The following PANK1 variants were observed in gnomAD, a reference collection of about 807,000 sequenced individuals.
PANK1 encodes the protein pantothenic acid kinase 1.
In PANK1, 18 loss-of-function variants were observed where a neutral mutation model predicts 40.1. That is an observed-to-expected ratio of 0.45 (90% CI 0.31 to 0.67). The LOEUF (loss-of-function observed/expected upper bound fraction) is 0.67. Among genes scored for constraint, PANK1 ranks in the 30% least tolerant of loss-of-function variants. The pLI is 0.06. For synonymous variants in PANK1, 242 were observed against 237.7 expected (o/e 1.02, Z -0.17); for missense variants, 457 against 599.6 (o/e 0.76, Z 2.48).
At chr10:89,605,245 T>C (rs1186419755) in intron 2 of PANK1, among the ~76,000 whole-genome samples, 1 of 151,912 alleles carries the variant, frequency 6.6e-6, no homozygotes, top group Non-Finnish European at 1.5e-5. Flanking sequence ...GAAAAGTTCT[T>C]AAAATAAACA....
intron 1 of PANK1, among the ~76,000 whole-genome samples, chr10:89,641,110 C>A (rs544440673): frequency 6.6e-6 from 1 of 152,208 alleles, no homozygotes; most frequent in East Asian, 1.9e-4. Flanking sequence ...TCCTGCTTTC[C>A]CTTTTAGTCT....
In PANK1 at chr10:89,599,457, G is replaced by C; in HGVS notation, c.694C>G (p.Gln232Glu). 6.2e-7 allele frequency: 1 copy of C among 1,613,698 alleles called. No homozygotes were observed. Among genetic ancestry groups the C allele is most frequent in the Non-Finnish European group, 8.5e-7 (1 of 1,179,596 alleles). Residue 232 changes from glutamine (Q) to glutamate (E), a missense_variant, in exon 3 of 7, where the codon CAG (glutamine) becomes GAG (glutamate). By Grantham distance (29) the Gln-to-Glu change is conservative (BLOSUM62 2). Around this residue, in one of 4 missense-constraint regions of PANK1, gnomAD observed 286 missense variants for 415.8 expected, o/e 0.69. Coordinates refer to ENST00000307534, the MANE Select transcript of PANK1 (RefSeq NM_148977.3). ...ACAGAGTCGACATAAAGCAGGCCCT[G>C]AATCAGACAGTCCAGTTCATCCAGT... ...HKLDELDCLIQGLLYVDSVGF... is the reference protein window; with the variant it reads ...HKLDELDCLIEGLLYVDSVGF...
At chr10:89,618,852 C>T (rs1845396375) in intron 1 of PANK1, among the ~76,000 whole-genome samples, 2 of 152,172 alleles carry the variant, frequency 1.3e-5, no homozygotes, top group African/African-American at 4.8e-5. Context: ...AAAGATGAAT[C>T]AGAATGGAGC....
Position 89,584,291 on chromosome 10 carries a change from C to A in PANK1, c.*115G>T. The A allele has an allele frequency of 1.5e-6, 1 of 673,388 alleles. No homozygotes were observed. The highest frequency in any genetic ancestry group is 2.7e-6 in the Non-Finnish European group (1 of 365,510). 41.7% of individuals were successfully genotyped at this position (673,388 alleles called of 1,614,324 possible). A position where few individuals can be genotyped will look rare whatever the true frequency, so the allele number is the denominator to read the frequency against. On this transcript the variant is annotated 3_prime_UTR_variant, in exon 7 of 7. Coordinates refer to ENST00000307534, the MANE Select transcript of PANK1 (RefSeq NM_148977.3). ...GATTTTAAATTATTTACAAATCCAG[C>A]AGGTTCATCTGCCATAATGGCTTGG...
Position 89,611,791 on chromosome 10 carries a change from T to C in PANK1, c.550A>G (p.Ile184Val). ...RFPSCAMHRF[I>V]QMGSEKNFSS... Reference sequence around the variant, plus strand: ...AAGTTCTTCTCGCTGCCCATCTGAATGAACCTGTGCATAGCACAGCTGGGA... The same window carrying C: ...AAGTTCTTCTCGCTGCCCATCTGAACGAACCTGTGCATAGCACAGCTGGGA... Residue 184 changes from isoleucine to valine, a missense_variant, in exon 2 of 7, where the codon ATT becomes GTT. By Grantham distance (29) the Ile-to-Val change is conservative. Transcript: ENST00000307534. 1 of 1,614,206 alleles carries C rather than the reference T, an allele frequency of 6.2e-7. No homozygotes were observed. The highest frequency in any genetic ancestry group is 8.5e-7 in the Non-Finnish European group (1 of 1,180,018).
intron 2 of PANK1, among the ~76,000 whole-genome samples, chr10:89,603,945 G>T (rs964044649): frequency 6.6e-6 from 1 of 152,180 alleles, no homozygotes; most frequent in African/African-American, 2.4e-5. Flanking sequence ...AAGGTAACAG[G>T]TGTTCCTAAA....
intron 2 of PANK1, among the ~76,000 whole-genome samples, chr10:89,605,115 A>G (rs1844918486): frequency 6.6e-6 from 1 of 152,178 alleles, no homozygotes; most frequent in South Asian, 2.1e-4. Context: ...TTATTGCTAA[A>G]AAATGCGAAT....
At chr10:89,627,760 G>A (rs1323940403) in intron 1 of PANK1, among the ~76,000 whole-genome samples, 1 of 152,032 alleles carries the variant, frequency 6.6e-6, no homozygotes, top group African/African-American at 2.4e-5. Flanking sequence ...TCTATGTAGG[G>A]CACCCTCCTA....
intron 1 of PANK1, among the ~76,000 whole-genome samples, chr10:89,614,493 G>A (rs1326026093): frequency 1.3e-5 from 2 of 152,270 alleles, no homozygotes; most frequent in African/African-American, 2.4e-5. Context: ...TAGAATATTA[G>A]GCAGCTATTA....
At chr10:89,595,118 C>T (rs1344161187) in intron 3 of PANK1, among the ~76,000 whole-genome samples, 2 of 152,120 alleles carry the variant, frequency 1.3e-5, no homozygotes, top group East Asian at 3.9e-4. Context: ...CAAGAAGGTA[C>T]AAAACTGTAG....
intron 5 of PANK1, chr10:89,592,975 T>C (rs1844446529): frequency 1.7e-6 from 1 of 572,012 alleles, no homozygotes; most frequent in Non-Finnish European, 3.2e-6. Context: ...TTTCCACAGG[T>C]GAATGGTTTA....
At chr10:89,586,855 G>T (rs1426591159) in intron 6 of PANK1, among the ~76,000 whole-genome samples, 1 of 152,176 alleles carries the variant, frequency 6.6e-6, no homozygotes, top group Non-Finnish European at 1.5e-5. Flanking sequence ...AGGGGGCCGG[G>T]GTGGCTCACG....
At chr10:89,595,911 T>G (rs906923404) in intron 3 of PANK1, among the ~76,000 whole-genome samples, 1 of 136,866 alleles carries the variant, frequency 7.3e-6, no homozygotes, top group South Asian at 2.5e-4. Context: ...CACACACACA[T>G]ATATATATGA....
Position 89,611,626 on chromosome 10 carries a change from C to T in PANK1, c.645+70G>A, listed in dbSNP as rs150526836. The T allele has an allele frequency of 2.1e-4, 238 of 1,121,706 alleles. 4 individuals carry two copies. The Middle Eastern group carries it at 2.2e-3, about 10-fold the overall frequency. The allele number at this position is 1,121,706 out of a possible 1,614,324, so 69.5% of individuals were successfully genotyped here. On this transcript the variant is annotated intron_variant, in intron 2 of 6. Transcript: ENST00000307534. ...TCCCAAGGCTAGTAGTATGGTTCTT[C>T]GGTATGAGTGGCCATGATTATGGAC...
intron 3 of PANK1, among the ~76,000 whole-genome samples, chr10:89,595,816 TAAAAAAAAA>T (rs1192374008): frequency 0.035 from 1,439 of 40,778 alleles, 57 homozygotes; most frequent in East Asian, 0.17. Flanking sequence ...GACTCCATCT[TAAAAAAAAA>T]AAAAAAAAAT....
chr10:89,582,601 C>T (rs1844072005), downstream of PANK1: 1 of 152,148 alleles, frequency 6.6e-6, no homozygotes. Flanking sequence ...TCAAAAGGCA[C>T]TAATTATAAA....
rs1035296378 is a variant in PANK1, at chr10:89,593,962, T to C, written c.927A>G (p.Leu309=). 7.4e-6 allele frequency: 12 copies of C among 1,613,670 alleles called. No homozygotes were observed. The African/African-American group carries it at 1.5e-4, about 20-fold the overall frequency. ...TSLGGGTFLG[L]CCLLTGCETF... Reference sequence around the variant, plus strand: ...TCTCACAACCAGTCAGCAAGCAACATAGGCCTAGGAATGTTCCACCTCCAA... The same window carrying C: ...TCTCACAACCAGTCAGCAAGCAACACAGGCCTAGGAATGTTCCACCTCCAA... The change falls in exon 4 of 7, where the codon CTA becomes CTG. Residue 309 remains leucine, a synonymous_variant. Transcript: ENST00000307534.
At chr10:89,626,697 G>T (rs993286947) in intron 1 of PANK1, 1 of 152,142 alleles carries the variant, frequency 6.6e-6, no homozygotes, top group Non-Finnish European at 1.5e-5. Flanking sequence ...TGACCACCAC[G>T]CATCTGTGTG....
chr10:89,587,472 CT>C (rs1212608297), intron 6 of PANK1, among the ~76,000 whole-genome samples: 1 of 152,160 alleles, frequency 6.6e-6, no homozygotes, highest in African/African-American at 2.4e-5. Context: ...TTGCTGTCTA[CT>C]TAGGTGGATG....
Sources: gnomAD v4.1 joint callset for allele counts (sites outside exome capture counted in the v4.1 genomes callset) on GRCh38, gnomAD v4.1.1 for gene constraint, gnomAD v4.1.1 regional missense constraint, MANE v1.5 for transcripts, NCBI Gene and HGNC (gene_info 2026-07-23, HGNC 2026-07-21) for gene names.